Variants in NLGN1 observed in about 807,000 individuals in gnomAD.
NLGN1 encodes neuroligin 1, also known as neuroligin-1.
A neutral mutation model predicts 65.5 loss-of-function variants in NLGN1; 12 were observed. That is an observed-to-expected ratio of 0.18 (90% CI 0.12 to 0.30). The LOEUF (loss-of-function observed/expected upper bound fraction) is 0.30, where lower values mean the gene tolerates loss of function less well. NLGN1 is among the 10% of genes least tolerant of loss of function. The pLI is 1.00. For synonymous variants in NLGN1, 350 were observed against 359.5 expected (o/e 0.97, Z 0.30); for missense variants, 750 against 1,007.1 (o/e 0.74, Z 3.46).
In NLGN1 at chr3:173,539,578, T is replaced by C; in HGVS notation, c.-320-64701T>C. ...TACATAATATATATAACATATATGTTATGTTATATATGTTATATAATATAT... is the reference window on the plus strand; with the variant it reads ...TACATAATATATATAACATATATGTCATGTTATATATGTTATATAATATAT... On this transcript the variant is annotated intron_variant, in intron 2 of 6. Coordinates refer to ENST00000457714, the Ensembl canonical transcript of NLGN1. Among the ~76,000 whole-genome samples, 2 of 140,386 alleles carry C rather than the reference T, an allele frequency of 1.4e-5. 1 individual carries two copies. The highest frequency in any genetic ancestry group is 4.3e-4 in the South Asian group (2 of 4,636). 92.1% of individuals were successfully genotyped at this position (140,386 alleles called of 152,430 possible).
chr3:173,752,731 CAACTT>C (rs1320214256), intron 3 of NLGN1, among the ~76,000 whole-genome samples: 1 of 152,064 alleles, frequency 6.6e-6, no homozygotes, highest in African/African-American at 2.4e-5. Flanking sequence ...AATATACTCT[CAACTT>C]AAGTGGTTTT....
At chr3:174,030,200 A>C (rs2152471394) in intron 4 of NLGN1, among the ~76,000 whole-genome samples, 1 of 144,096 alleles carries the variant, frequency 6.9e-6, no homozygotes, top group African/African-American at 2.6e-5. Flanking sequence ...ATCTCAGCTC[A>C]CTGCAACCTC....
chr3:173,984,812 G>T (rs1719535963), intron 4 of NLGN1, among the ~76,000 whole-genome samples: 3 of 152,166 alleles, frequency 2.0e-5, no homozygotes, highest in Admixed American at 2.0e-4. Context: ...GGGAGGCTGA[G>T]GCAGGTGGAT....
At chr3:174,209,614 CCTTT>C (rs1442014903) in intron 4 of NLGN1, among the ~76,000 whole-genome samples, 2 of 141,132 alleles carry the variant, frequency 1.4e-5, no homozygotes, top group Non-Finnish European at 3.0e-5. Context: ...TGTCTATCAA[CCTTT>C]CTTTCTTTTT....
chr3:174,173,221 G>C lies in NLGN1; in HGVS notation c.647-102094G>C, dbSNP rs557639004. Among the ~76,000 whole-genome samples, 18 of 152,112 alleles carry C rather than the reference G, an allele frequency of 1.2e-4. No homozygotes were observed. In the East Asian group the frequency reaches 3.1e-3, roughly 26 times the overall value. Reference sequence around the variant, plus strand: ...CTCTAGTTTTTTGGTGGAGTCTTAGGTTTTTTCAAATATGAGATCATATCA... The same window carrying C: ...CTCTAGTTTTTTGGTGGAGTCTTAGCTTTTTTCAAATATGAGATCATATCA... On this transcript the variant is annotated intron_variant, in intron 4 of 6. Transcript: ENST00000457714.
intron 4 of NLGN1, among the ~76,000 whole-genome samples, chr3:174,074,130 G>T (rs568454447): frequency 6.6e-6 from 1 of 152,262 alleles, no homozygotes; most frequent in African/African-American, 2.4e-5. Flanking sequence ...TTGGAATCCA[G>T]TGTAGAGGGA....
chr3:173,754,137 C>T (rs1241981730), intron 3 of NLGN1, among the ~76,000 whole-genome samples: 1 of 150,460 alleles, frequency 6.6e-6, no homozygotes, highest in Non-Finnish European at 1.5e-5. Context: ...ACCTCTGCCT[C>T]TCAGGCTCAG....
chr3:174,251,407 C>T (rs534825554), intron 4 of NLGN1, among the ~76,000 whole-genome samples: 29 of 152,230 alleles, frequency 1.9e-4, no homozygotes, highest in Non-Finnish European at 2.6e-4. Flanking sequence ...TAACTTTGTG[C>T]AAATTAGAAA....
intron 4 of NLGN1, among the ~76,000 whole-genome samples, chr3:174,026,624 T>G (rs1319968512): frequency 6.6e-6 from 1 of 151,742 alleles, no homozygotes; most frequent in Non-Finnish European, 1.5e-5. Flanking sequence ...CTTAATAGAG[T>G]ATGAGGTGGG....
intron 4 of NLGN1, among the ~76,000 whole-genome samples, chr3:174,210,356 C>A (rs967912385): frequency 2.0e-5 from 3 of 152,148 alleles, no homozygotes; most frequent in East Asian, 3.8e-4. Flanking sequence ...TGGTGTAGTT[C>A]CAGCACCTTC....
At chr3:173,451,803 C>T (rs1721591117) in intron 2 of NLGN1, among the ~76,000 whole-genome samples, 1 of 152,218 alleles carries the variant, frequency 6.6e-6, no homozygotes, top group Non-Finnish European at 1.5e-5. Flanking sequence ...GCAGTTTGAT[C>T]TCAGACTGCT....
At chr3:173,622,367 G>T (rs910148177) in intron 3 of NLGN1, among the ~76,000 whole-genome samples, 1 of 152,028 alleles carries the variant, frequency 6.6e-6, no homozygotes, top group Non-Finnish European at 1.5e-5. Flanking sequence ...AGATGGGACT[G>T]GTTAGGCTGT....
At chr3:173,488,282 T>G (rs1372701864) in intron 2 of NLGN1, among the ~76,000 whole-genome samples, 2 of 152,204 alleles carry the variant, frequency 1.3e-5, no homozygotes, top group Non-Finnish European at 2.9e-5. Flanking sequence ...AGTTCCAATT[T>G]GTGTTTAAAT....
chr3:173,743,838 A>G (rs1578218865), intron 3 of NLGN1, among the ~76,000 whole-genome samples: 1 of 152,234 alleles, frequency 6.6e-6, no homozygotes, highest in East Asian at 1.9e-4. Context: ...TGCAGAGTTC[A>G]ATGTTCAGAG....
rs552628970 is a variant in NLGN1 at position 174,229,317 on chromosome 3, T to C, written c.647-45998T>C. On this transcript the variant is annotated intron_variant, in intron 4 of 6. Coordinates refer to ENST00000457714, the Ensembl canonical transcript of NLGN1. ...TAGTGGTGTGATCTTGTGCAAGTTT[T>C]TTTAAAATGTGCAATCTCAGTTTCC... 7.2e-5 allele frequency among the ~76,000 whole-genome samples: 11 copies of C among 152,234 alleles called. No homozygotes were observed. In the South Asian group the frequency reaches 2.3e-3, roughly 32 times the overall value.
chr3:173,644,625 C>G (rs112303312), intron 3 of NLGN1: 1 of 157,306 alleles, frequency 6.4e-6, no homozygotes. Flanking sequence ...TGGAACAACT[C>G]CAGCGCACTC....
At chr3:173,604,483 A>G in exon 3 of NLGN1, 1 of 1,166,866 alleles carries the variant, frequency 8.6e-7, no homozygotes, top group Non-Finnish European at 1.2e-6. Flanking sequence ...GCTTTTCTCG[A>G]CAAGCTCCCC....
chr3:173,758,521 A>G (rs1777467755), intron 3 of NLGN1, among the ~76,000 whole-genome samples: 1 of 152,030 alleles, frequency 6.6e-6, no homozygotes, highest in South Asian at 2.1e-4. Context: ...TCCTGCTAAT[A>G]TATTATCTAC....
At chr3:173,474,699 A>C (rs576726) in intron 2 of NLGN1, among the ~76,000 whole-genome samples, 120,701 of 152,162 alleles carry the variant, frequency 0.79, 48,882 homozygotes, top group East Asian at 0.97. Flanking sequence ...GTTGCTCACA[A>C]CTGTAATCCT....
Sources: allele counts gnomAD v4.1 joint callset (sites outside exome capture counted in the v4.1 genomes callset), GRCh38; gene constraint gnomAD v4.1.1; transcripts MANE v1.5; gene names NCBI Gene and HGNC (gene_info 2026-07-23, HGNC 2026-07-21).